RRAGC: variants seen among roughly 807,000 people sequenced by gnomAD.
RRAGC encodes Ras related GTP binding C, also known as ras-related GTP-binding protein C.
RRAGC carries 8 observed loss-of-function variants against 37.1 expected under a neutral mutation model. The ratio of observed to expected loss-of-function variants is 0.22; its 90% confidence interval spans 0.13 to 0.39. The LOEUF is 0.39. Among genes scored for constraint, RRAGC ranks in the 10% least tolerant of loss-of-function variants. The pLI, the probability that RRAGC is intolerant of heterozygous loss-of-function variation, is 1.00. For synonymous variants in RRAGC, 190 were observed against 181.1 expected, an observed-to-expected ratio of 1.05 and a Z score of -0.39; for missense variants, 342 against 497.6, an observed-to-expected ratio of 0.69 and a Z score of 2.98.
At position 38,839,628 on chromosome 1, in the gene RRAGC, C is replaced by T; in HGVS notation, c.1125G>A (p.Arg375=). 1.2e-6 allele frequency: 2 copies of T among 1,614,130 alleles called. No homozygotes were observed. Among genetic ancestry groups the T allele is most frequent in the South Asian group, 1.1e-5 (1 of 91,086 alleles). ...AGGCACTAGTCTGGTGACCACAGCT[C>T]CTGTGAGAAGTCACACCCACCTCAA... is the stretch of plus-strand genomic sequence containing the variant. ...EVFEVGVTSH[R]SCGHQTSASS... is the part of the protein sequence containing the mutation. The change falls in exon 7 of 7, where the codon AGG becomes AGA. Residue 375 remains arginine (R), a synonymous_variant. Transcript: ENST00000373001.
chr1:38,842,334 C>CA (rs1479291166), intron 6 of RRAGC, among the ~76,000 whole-genome samples: 1 of 151,368 alleles, frequency 6.6e-6, no homozygotes, highest in South Asian at 2.1e-4. Flanking sequence ...AGAATCAGTG[C>CA]AAAAAAAGAT....
At chr1:38,855,113 T>C (rs571555296) in intron 3 of RRAGC, among the ~76,000 whole-genome samples, 12 of 152,342 alleles carry the variant, frequency 7.9e-5, no homozygotes, top group East Asian at 3.9e-4. Context: ...TATGCACATT[T>C]ATAAGATAAA....
intron 6 of RRAGC, among the ~76,000 whole-genome samples, chr1:38,845,125 G>GTA (rs1642012355): frequency 6.6e-6 from 1 of 152,152 alleles, no homozygotes; most frequent in Non-Finnish European, 1.5e-5. Flanking sequence ...CTGTTACTGG[G>GTA]TATATACCCA....
intron 3 of RRAGC, among the ~76,000 whole-genome samples, chr1:38,852,964 CCT>C (rs1642118226): frequency 6.6e-6 from 1 of 152,152 alleles, no homozygotes; most frequent in Non-Finnish European, 1.5e-5. Context: ...ACCCCTTTCC[CCT>C]AATTTGTTTT....
At position 38,859,655 on chromosome 1, in the gene RRAGC, A is replaced by AGCG; in HGVS notation, c.-10_-9insCGC. 1 of 1,539,360 alleles carries AGCG rather than the reference A, an allele frequency of 6.5e-7. No homozygotes were observed. Among genetic ancestry groups the AGCG allele is most frequent in the Non-Finnish European group, 8.7e-7 (1 of 1,143,548 alleles). ...CCGTACTGCAGGGACATGGTGCTGG[A>AGCG]GCCGCCGCCGCCCGCGCCCTGACAG... On this transcript the variant is annotated 5_prime_UTR_variant, in exon 1 of 7. Coordinates refer to ENST00000373001, the MANE Select transcript of RRAGC (RefSeq NM_022157.4).
At chr1:38,845,167 C>A (rs1444950028) in intron 6 of RRAGC, among the ~76,000 whole-genome samples, 3 of 152,210 alleles carry the variant, frequency 2.0e-5, no homozygotes, top group East Asian at 3.8e-4. Context: ...TATAAAGACA[C>A]ACGCACACGT....
chr1:38,852,692 G>A (rs1418533142), intron 3 of RRAGC: 4 of 365,558 alleles, frequency 1.1e-5, no homozygotes, highest in East Asian at 9.9e-5. Context: ...ATTTACACAG[G>A]GGGCAACTGA....
chr1:38,850,017 C>CA (rs1642079796), intron 5 of RRAGC, among the ~76,000 whole-genome samples: 1 of 145,752 alleles, frequency 6.9e-6, no homozygotes, highest in South Asian at 2.2e-4. Context: ...CCAGCCTGGC[C>CA]AACATGGTGA....
intron 3 of RRAGC, among the ~76,000 whole-genome samples, chr1:38,854,406 C>T (rs1273079223): frequency 2.0e-5 from 3 of 151,744 alleles, no homozygotes; most frequent in African/African-American, 7.3e-5. Context: ...CTGAAGTTAA[C>T]AAGGTCTAGG....
intron 5 of RRAGC, 47 bp downstream of exon 5, chr1:38,851,568 A>G (rs752888855): frequency 2.1e-6 from 3 of 1,451,660 alleles, no homozygotes; most frequent in Non-Finnish European, 1.8e-6. Context: ...TCAAGTTAAT[A>G]GTTTTCCGCC....
intron 6 of RRAGC, among the ~76,000 whole-genome samples, chr1:38,842,822 G>T (rs557449116): frequency 6.6e-6 from 1 of 152,136 alleles, no homozygotes; most frequent in Non-Finnish European, 1.5e-5. Context: ...ATATGGCAGC[G>T]AAAAGGAATG....
At chr1:38,844,319 A>T (rs777609387) in intron 6 of RRAGC, among the ~76,000 whole-genome samples, 4 of 152,098 alleles carry the variant, frequency 2.6e-5, no homozygotes, top group Non-Finnish European at 5.9e-5. Context: ...CGAGAGCATG[A>T]TCCCAAGTCA....
chr1:38,858,787 T>C (rs1416452698), intron 1 of RRAGC, among the ~76,000 whole-genome samples: 2 of 152,114 alleles, frequency 1.3e-5, no homozygotes, highest in African/African-American at 4.8e-5. Context: ...GTCTGCAAAA[T>C]ATTCTCAAAG....
At chr1:38,854,936 T>C (rs568667579) in intron 3 of RRAGC, among the ~76,000 whole-genome samples, 1 of 152,340 alleles carries the variant, frequency 6.6e-6, no homozygotes, top group African/African-American at 2.4e-5. Flanking sequence ...TACTTTTTAA[T>C]ACTCATTTCT....
At chr1:38,852,216 T>C (rs951558093) in intron 4 of RRAGC, among the ~76,000 whole-genome samples, 158 bp downstream of exon 4, 1 of 152,244 alleles carries the variant, frequency 6.6e-6, no homozygotes, top group Non-Finnish European at 1.5e-5. Context: ...ATAACTTGAA[T>C]AATATGTTAT....
chr1:38,857,399 C>G (rs1345307662), intron 1 of RRAGC, among the ~76,000 whole-genome samples: 1 of 152,162 alleles, frequency 6.6e-6, no homozygotes, highest in Non-Finnish European at 1.5e-5. Context: ...TTAATTCTAC[C>G]AAAATCTGCT....
At chr1:38,849,146 G>A (rs1006747316) in intron 5 of RRAGC, among the ~76,000 whole-genome samples, 2 of 152,000 alleles carry the variant, frequency 1.3e-5, no homozygotes, top group African/African-American at 4.8e-5. Flanking sequence ...ATGGTGTGGT[G>A]TGCGGCTGTA....
chr1:38,839,865 G>A (rs890675049), intron 6 of RRAGC, among the ~76,000 whole-genome samples, 161 bp from the exon 7 acceptor site: 6 of 151,338 alleles, frequency 4.0e-5, no homozygotes, highest in Admixed American at 6.6e-5. Flanking sequence ...GCTGGTCATC[G>A]GTCAGGTGCA....
intron 4 of RRAGC, 128 bp downstream of exon 4, chr1:38,852,246 G>T: frequency 3.0e-6 from 2 of 660,680 alleles, no homozygotes. Context: ...TACATGTTAA[G>T]TGGGTCACTA....
Sources: allele counts gnomAD v4.1 joint callset (sites outside exome capture counted in the v4.1 genomes callset), GRCh38; gene constraint gnomAD v4.1.1; transcripts MANE v1.5; gene names NCBI Gene and HGNC (gene_info 2026-07-23, HGNC 2026-07-21).